Variants in SEMA3A observed in about 807,000 individuals in gnomAD.
SEMA3A encodes semaphorin-3A.
A neutral mutation model predicts 97.9 loss-of-function variants in SEMA3A; 29 were observed. The observed-to-expected ratio is 0.30, with a 90% CI of 0.22 to 0.40. The LOEUF (loss-of-function observed/expected upper bound fraction) is 0.40, where lower values mean the gene tolerates loss of function less well. Among genes scored for constraint, SEMA3A ranks in the 10% least tolerant of loss-of-function variants. SEMA3A has a pLI of 1.00. For missense variants in SEMA3A, 763 were observed against 951.3 expected, an observed-to-expected ratio of 0.80 and a Z score of 2.60; for synonymous variants, 321 against 323.7, an observed-to-expected ratio of 0.99 and a Z score of 0.09.
chr7:84,402,605 T>G (rs565050009), intron 1 of SEMA3A, among the ~76,000 whole-genome samples: 1 of 152,148 alleles, frequency 6.6e-6, no homozygotes, highest in African/African-American at 2.4e-5. Flanking sequence ...TGTCCATCAA[T>G]GGATGTATGA....
At chr7:84,116,166 A>T (rs1044102151) in intron 3 of SEMA3A, among the ~76,000 whole-genome samples, 2 of 152,120 alleles carry the variant, frequency 1.3e-5, no homozygotes, top group African/African-American at 4.8e-5. Context: ...TGGAGTCTTT[A>T]ATGTCCAAAG....
chr7:84,224,231 T>C (rs1307245187), intron 3 of SEMA3A, among the ~76,000 whole-genome samples: 3 of 152,024 alleles, frequency 2.0e-5, no homozygotes, highest in Admixed American at 6.6e-5. Context: ...ATGTAAGAGA[T>C]GACACTCATA....
chr7:84,466,276 G>A (rs576508844), intron 1 of SEMA3A, among the ~76,000 whole-genome samples: 3 of 151,972 alleles, frequency 2.0e-5, no homozygotes, highest in Non-Finnish European at 4.4e-5. Flanking sequence ...TGGTTCAAGC[G>A]ATTCTCCTGC....
At chr7:84,416,056 A>C (rs1160192870) in intron 1 of SEMA3A, among the ~76,000 whole-genome samples, 1 of 152,094 alleles carries the variant, frequency 6.6e-6, no homozygotes, top group Admixed American at 6.6e-5. Context: ...AAAGATTCTT[A>C]TAAAGTATAA....
At chr7:84,439,702 A>C (rs918003750) in intron 1 of SEMA3A, among the ~76,000 whole-genome samples, 4 of 152,214 alleles carry the variant, frequency 2.6e-5, no homozygotes, top group Non-Finnish European at 4.4e-5. Context: ...AGTGGAAAAG[A>C]AATTAAATCT....
intron 1 of SEMA3A, among the ~76,000 whole-genome samples, chr7:84,435,470 T>A (rs1209510968): frequency 6.6e-6 from 1 of 152,124 alleles, no homozygotes; most frequent in Non-Finnish European, 1.5e-5. Flanking sequence ...TAGCTGGGCA[T>A]AATGGTGCGT....
At position 84,115,375 on chromosome 7, in the gene SEMA3A, C is replaced by T. The variant is rs544733747; in HGVS notation, c.334-4786G>A. ...CAGATTGACTATTTGTTTTGAAGTC[C>T]TAGAAATATTGTTCAAGACTCTATA... is the stretch of plus-strand genomic sequence containing the variant. On this transcript the variant is annotated intron_variant, in intron 3 of 16. Coordinates refer to ENST00000265362, the MANE Select transcript of SEMA3A (RefSeq NM_006080.3). 1.2e-4 allele frequency among the ~76,000 whole-genome samples: 19 copies of T among 152,096 alleles called. No homozygotes were observed. In the East Asian group the frequency reaches 3.7e-3, roughly 29 times the overall value.
chr7:84,119,802 G>T (rs917569401), intron 3 of SEMA3A, among the ~76,000 whole-genome samples: 3 of 152,088 alleles, frequency 2.0e-5, no homozygotes, highest in Non-Finnish European at 4.4e-5. Flanking sequence ...GAGGTAAGAA[G>T]ATATTGGCCA....
At chr7:84,073,863 T>TAAAAA (rs57789538) in intron 4 of SEMA3A, among the ~76,000 whole-genome samples, 4 of 101,678 alleles carry the variant, frequency 3.9e-5, no homozygotes, top group African/African-American at 1.2e-4. Context: ...TAAAAAAAGC[T>TAAAAA]AAAAAAAAAA....
intron 3 of SEMA3A, among the ~76,000 whole-genome samples, chr7:84,272,032 T>C (rs1800164117): frequency 6.6e-6 from 1 of 152,098 alleles, no homozygotes; most frequent in Non-Finnish European, 1.5e-5. Flanking sequence ...ATACTATGTG[T>C]GTACTGCTGA....
intron 1 of SEMA3A, among the ~76,000 whole-genome samples, chr7:84,435,293 C>T (rs940734169): frequency 2.0e-5 from 3 of 151,930 alleles, no homozygotes; most frequent in Admixed American, 2.0e-4. Flanking sequence ...CCTGGGAACA[C>T]ATCTGTCCAA....
At chr7:84,293,278 C>T (rs1800794208) in intron 3 of SEMA3A, among the ~76,000 whole-genome samples, 2 of 152,030 alleles carry the variant, frequency 1.3e-5, no homozygotes, top group African/African-American at 2.4e-5. Flanking sequence ...CTATTCAGAG[C>T]CAGTTAGGAA....
intron 15 of SEMA3A, among the ~76,000 whole-genome samples, chr7:83,963,678 C>T (rs1788566714): frequency 6.6e-6 from 1 of 152,150 alleles, no homozygotes. Context: ...ATTATTTTCA[C>T]TGCAAAACTC....
At chr7:84,167,852 G>A (rs949605360) in intron 1 of SEMA3A, among the ~76,000 whole-genome samples, 4 of 152,088 alleles carry the variant, frequency 2.6e-5, no homozygotes, top group African/African-American at 7.2e-5. Context: ...AGACTAATTT[G>A]ATGTAATAGC....
At chr7:84,080,207 TG>T (rs1465466971) in intron 4 of SEMA3A, among the ~76,000 whole-genome samples, 1 of 52,942 alleles carries the variant, frequency 1.9e-5, no homozygotes, top group Non-Finnish European at 3.1e-5. Context: ...TGTTGTGGGG[TG>T]GGGGGAGGGG....
chr7:84,218,640 A>C (rs568284734), intron 3 of SEMA3A, among the ~76,000 whole-genome samples: 2 of 152,086 alleles, frequency 1.3e-5, no homozygotes, highest in African/African-American at 4.8e-5. Flanking sequence ...TAAATAATGG[A>C]GATGAATGAC....
At chr7:83,976,385 T>G (rs1789149745) in intron 15 of SEMA3A, among the ~76,000 whole-genome samples, 1 of 152,158 alleles carries the variant, frequency 6.6e-6, no homozygotes, top group African/African-American at 2.4e-5. Context: ...CATTTTTAAC[T>G]ATGTTCATTA....
At chr7:84,359,935 T>C (rs1802669547) in intron 2 of SEMA3A, among the ~76,000 whole-genome samples, 1 of 151,132 alleles carries the variant, frequency 6.6e-6, no homozygotes, top group South Asian at 2.1e-4. Flanking sequence ...TAGAGGTGTT[T>C]GTAGTATTCT....
intron 3 of SEMA3A, among the ~76,000 whole-genome samples, chr7:84,255,145 G>A (rs1376358887): frequency 6.6e-6 from 1 of 152,088 alleles, no homozygotes; most frequent in African/African-American, 2.4e-5. Context: ...TTGTCCATTG[G>A]CAGGCCTTGG....
Sources: allele counts gnomAD v4.1 joint callset (sites outside exome capture counted in the v4.1 genomes callset), GRCh38; gene constraint gnomAD v4.1.1; transcripts MANE v1.5; gene names NCBI Gene and HGNC (gene_info 2026-07-23, HGNC 2026-07-21).